NGFR: variants seen among roughly 807,000 people sequenced by gnomAD.
NGFR encodes tumor necrosis factor receptor superfamily member 16.
NGFR carries 30 observed loss-of-function variants against 43.2 expected under a neutral mutation model. The observed-to-expected ratio is 0.69, with a 90% confidence interval of 0.52 to 0.94. The LOEUF (loss-of-function observed/expected upper bound fraction) is 0.94. Among genes scored for constraint, NGFR ranks in the 40% least tolerant of loss-of-function variants. NGFR has a pLI of 0.00. For synonymous variants in NGFR, 246 were observed against 259.6 expected (o/e 0.95, Z 0.50); for missense variants, 529 against 602.5 (o/e 0.88, Z 1.28).
intron 3 of NGFR, among the ~76,000 whole-genome samples, chr17:49,508,039 C>T (rs964577896): frequency 2.6e-5 from 4 of 152,246 alleles, no homozygotes; most frequent in African/African-American, 9.6e-5. Flanking sequence ...ATGGGGAGGG[C>T]TGTTACGCTG....
intron 2 of NGFR, among the ~76,000 whole-genome samples, chr17:49,504,395 C>T (rs1175904363): frequency 6.6e-6 from 1 of 152,222 alleles, no homozygotes; most frequent in Non-Finnish European, 1.5e-5. Context: ...TTTCTGCTGT[C>T]TGACCATATT....
Position 49,512,961 on chromosome 17 carries a change from C to T in NGFR, c.1236C>T (p.Asp412=). 1 of 1,607,700 alleles carries T rather than the reference C, an allele frequency of 6.2e-7. No individual in the cohort carries two copies. Among genetic ancestry groups the T allele is most frequent in the Non-Finnish European group, 8.5e-7 (1 of 1,177,120 alleles). The change falls in exon 6 of 6, where the codon GAC becomes GAT. Residue 412 remains aspartate (D), a synonymous_variant. Coordinates refer to ENST00000172229, the MANE Select transcript of NGFR (RefSeq NM_002507.4). This position sits in a 1 kb window ranked among gnomAD's most constrained non-coding sequence, Gnocchi z 5.2. ...CCCTGCGCCGCATCCAGCGAGCCGA[C>T]CTCGTGGAGAGTCTGTGCAGTGAGT... is the stretch of plus-strand genomic sequence containing the variant. ...LAALRRIQRA[D]LVESLCSEST...
chr17:49,506,413 G>A lies in NGFR; in HGVS notation c.323G>A (p.Arg108His), dbSNP rs780615365. 5 of 1,604,806 alleles carry A rather than the reference G, an allele frequency of 3.1e-6. No individual in the cohort carries two copies. Among genetic ancestry groups the A allele is most frequent in the African/African-American group, 1.3e-5 (1 of 74,816 alleles). ...PCVEADDAVCRCAYGYYQDET... is the reference protein window; with the variant it reads ...PCVEADDAVCHCAYGYYQDET... ...GTGGAGGCCGACGACGCCGTGTGCC[G>A]CTGCGCCTACGGCTACTACCAGGAT... The change falls in exon 3 of 6, where the codon CGC (arginine) becomes CAC (histidine). Residue 108 changes from arginine to histidine, a missense_variant. Physicochemically the swap from Arg to His is conservative, Grantham distance 29. Coordinates refer to ENST00000172229, the MANE Select transcript of NGFR (RefSeq NM_002507.4).
At chr17:49,508,611 G>A (rs1006968290) in intron 3 of NGFR, among the ~76,000 whole-genome samples, 1 of 152,188 alleles carries the variant, frequency 6.6e-6, no homozygotes, top group Non-Finnish European at 1.5e-5. Flanking sequence ...GGGCAGAAGG[G>A]CTACCCGCTG....
At chr17:49,505,992 C>T (rs1034765383) in intron 2 of NGFR, 11 of 432,632 alleles carry the variant, frequency 2.5e-5, no homozygotes, top group East Asian at 3.8e-5. Context: ...GGCCTGGGAA[C>T]TCTCAAAGAG....
chr17:49,510,801 GC>G, intron 4 of NGFR, 137 bp downstream of exon 4: 2 of 1,120,794 alleles, frequency 1.8e-6, no homozygotes, highest in Non-Finnish European at 2.6e-6. Context: ...ATCATCTGCC[GC>G]CCCACTCCAG....
rs2071237527 is a variant in NGFR at position 49,512,145 on chromosome 17, G to A, written c.982+93G>A. On this transcript the variant is annotated intron_variant, in intron 5 of 5. Transcript: ENST00000172229. The surrounding 1 kb of genome is among the most constrained non-coding windows in gnomAD (Gnocchi z 5.2). ...GACTCCAGGAAGGACTGTCGGGGGG[G>A]CGGCAGGGCTGGCTCAGCGGTGCCC... 3 of 1,466,346 alleles carry A rather than the reference G, an allele frequency of 2.0e-6. No individual in the cohort carries two copies. The highest frequency in any genetic ancestry group is 2.8e-5 in the African/African-American group (2 of 71,284). 90.8% of individuals were successfully genotyped at this position (1,466,346 alleles called of 1,614,324 possible). A position where few individuals can be genotyped will look rare whatever the true frequency, so the allele number is the denominator to read the frequency against.
At chr17:49,511,536 A>G (rs1340622012) in intron 4 of NGFR, among the ~76,000 whole-genome samples, 7 of 135,884 alleles carry the variant, frequency 5.2e-5, no homozygotes, top group African/African-American at 1.8e-4. Context: ...TTTTTTTTCC[A>G]GTTTTTTGTT....
intron 3 of NGFR, among the ~76,000 whole-genome samples, chr17:49,509,525 C>T (rs1295017567): frequency 6.6e-6 from 1 of 152,210 alleles, no homozygotes; most frequent in Non-Finnish European, 1.5e-5. Flanking sequence ...GGTCCCCTGC[C>T]AGGGAGGCTG....
chr17:49,513,158 A>C lies in NGFR; in HGVS notation c.*149A>C. The C allele has an allele frequency of 3.8e-6, 3 of 797,680 alleles. No individual in the cohort carries two copies. Among genetic ancestry groups the C allele is most frequent in the Non-Finnish European group, 5.7e-6 (3 of 522,768 alleles). 49.4% of individuals were successfully genotyped at this position (797,680 alleles called of 1,614,324 possible). A position where few individuals can be genotyped will look rare whatever the true frequency, so the allele number is the denominator to read the frequency against. On this transcript the variant is annotated 3_prime_UTR_variant, in exon 6 of 6. Transcript: ENST00000172229. ...CAGGACCTCAGAGTCCAGGCCCCAA[A>C]ACCACAGCCCTGTCAGTGCAGCCCG...
At chr17:49,502,000 A>AGGCCCCCCC in intron 1 of NGFR, 63 bp from the exon 2 acceptor site, 2 of 264,886 alleles carry the variant, frequency 7.6e-6, no homozygotes, top group Non-Finnish European at 7.9e-6. Context: ...CCCCGGAAGA[A>AGGCCCCCCC]CCCCCCCCAA....
Position 49,514,432 on chromosome 17 carries a change from G to GT in NGFR, c.*1429dup, listed in dbSNP as rs1169153280. On this transcript the variant is annotated 3_prime_UTR_variant, in exon 6 of 6. Coordinates refer to ENST00000172229, the MANE Select transcript of NGFR (RefSeq NM_002507.4). ...GCTCTAGACAACCCTGCAAAGGACT[G>GT]TTTTTTCCTGAGCTTGGCCAGAAGG... 6.6e-6 allele frequency: 1 copy of GT among 152,344 alleles called. No homozygotes were observed. Among genetic ancestry groups the GT allele is most frequent in the Non-Finnish European group, 1.5e-5 (1 of 68,102 alleles). The allele number at this position is 152,344 out of a possible 1,614,324, so 9.4% of individuals were successfully genotyped here.
chr17:49,495,738 TG>T lies in NGFR; in HGVS notation c.66+260del. ...GGTCCTCAGGTACCGCAGGGGGCGG[TG>T]GGGGAGCTGGGAGGGGTCTTTCAAG... On this transcript the variant is annotated intron_variant, in intron 1 of 5. Coordinates refer to ENST00000172229, the MANE Select transcript of NGFR (RefSeq NM_002507.4). This position sits in a 1 kb window ranked among gnomAD's most constrained non-coding sequence, Gnocchi z 6.4. The T allele has an allele frequency of 3.0e-6, 1 of 327,992 alleles. No homozygotes were observed. The highest frequency in any genetic ancestry group is 5.3e-6 in the Non-Finnish European group (1 of 188,198). The allele number at this position is 327,992 out of a possible 1,614,324, so 20.3% of individuals were successfully genotyped here.
At chr17:49,511,315 C>T (rs1228852726) in intron 4 of NGFR, among the ~76,000 whole-genome samples, 1 of 151,956 alleles carries the variant, frequency 6.6e-6, no homozygotes, top group East Asian at 1.9e-4. Flanking sequence ...GTATATAAAC[C>T]TTTTATAATT....
chr17:49,495,502 G>T lies in NGFR; in HGVS notation c.66+19G>T. On this transcript the variant is annotated intron_variant, in intron 1 of 5. Coordinates refer to ENST00000172229, the MANE Select transcript of NGFR (RefSeq NM_002507.4). This position sits in a 1 kb window ranked among gnomAD's most constrained non-coding sequence, Gnocchi z 6.4. ...TCTGGGGGTGAGTGTTAGCCGGAGG[G>T]GGCCCGCTCCCTTTCCCGGGATCAG... 1 of 1,234,380 alleles carries T rather than the reference G, an allele frequency of 8.1e-7. No individual in the cohort carries two copies. 76.5% of individuals were successfully genotyped at this position (1,234,380 alleles called of 1,614,324 possible).
At chr17:49,506,169 G>A in intron 2 of NGFR, 130 bp from the exon 3 acceptor site, 1 of 1,459,514 alleles carries the variant, frequency 6.9e-7, no homozygotes, top group Non-Finnish European at 9.0e-7. Context: ...GGAAGAGGGT[G>A]GGAGCCGATG....
chr17:49,511,898 C>T lies in NGFR; in HGVS notation c.828C>T (p.Asn276=). 1 of 1,606,212 alleles carries T rather than the reference C, an allele frequency of 6.2e-7. No homozygotes were observed. The highest frequency in any genetic ancestry group is 8.5e-7 in the Non-Finnish European group (1 of 1,176,250). The part of the protein sequence containing the change: ...LVAYIAFKRW[N]SCKQNKQGAN... ...GCCTGTCCTCTGGCTCCAGGTGGAA[C>T]AGCTGCAAGCAGAACAAGCAAGGAG... Residue 276 remains asparagine, a synonymous_variant, in exon 5 of 6, where the codon AAC becomes AAT. Coordinates refer to ENST00000172229, the MANE Select transcript of NGFR (RefSeq NM_002507.4).
At position 49,495,726 on chromosome 17, in the gene NGFR, C is replaced by G. The variant is rs1158073639; in HGVS notation, c.66+243C>G. 1 of 382,952 alleles carries G rather than the reference C, an allele frequency of 2.6e-6. No individual in the cohort carries two copies. Among genetic ancestry groups the G allele is most frequent in the Non-Finnish European group, 4.6e-6 (1 of 217,944 alleles). 23.7% of individuals were successfully genotyped at this position (382,952 alleles called of 1,614,324 possible). A position where few individuals can be genotyped will look rare whatever the true frequency, so the allele number is the denominator to read the frequency against. ...AGCACGGATGCCGGTCCTCAGGTAC[C>G]GCAGGGGGCGGTGGGGGAGCTGGGA... On this transcript the variant is annotated intron_variant, in intron 1 of 5. Coordinates refer to ENST00000172229, the MANE Select transcript of NGFR (RefSeq NM_002507.4). This position sits in a 1 kb window ranked among gnomAD's most constrained non-coding sequence, Gnocchi z 6.4.
intron 2 of NGFR, among the ~76,000 whole-genome samples, chr17:49,505,133 C>G (rs1297111469): frequency 2.6e-5 from 4 of 151,882 alleles, no homozygotes; most frequent in African/African-American, 4.8e-5. Flanking sequence ...CTCCTCATCC[C>G]CCCACCACAC....
Sources: allele counts gnomAD v4.1 joint callset (sites outside exome capture counted in the v4.1 genomes callset), GRCh38; gene constraint gnomAD v4.1.1; non-coding constraint Gnocchi (gnomAD v3.1); transcripts MANE v1.5; gene names NCBI Gene and HGNC (gene_info 2026-07-23, HGNC 2026-07-21).